Variants in FBN1 observed in about 807,000 individuals in gnomAD.
The protein encoded by FBN1 is fibrillin 1, also known as fibrillin-1.
Under a neutral mutation model 365.1 loss-of-function variants are expected in FBN1, and 29 were observed. The ratio of observed to expected loss-of-function variants is 0.08; its 90% CI spans 0.06 to 0.11. FBN1 has a LOEUF of 0.11. Among genes scored for constraint, FBN1 ranks in the 10% least tolerant of loss-of-function variants. The pLI is 1.00. For missense variants in FBN1, 2,476 were observed against 3,703.2 expected, an observed-to-expected ratio of 0.67 and a Z score of 8.60; for synonymous variants, 1,210 against 1,270.5, an observed-to-expected ratio of 0.95 and a Z score of 1.01.
chr15:48,603,917 A>G (rs935873210), intron 4 of FBN1, among the ~76,000 whole-genome samples: 1 of 152,190 alleles, frequency 6.6e-6, no homozygotes, highest in Non-Finnish European at 1.5e-5. Context: ...AGCTAACAGA[A>G]AATGTTGCCA....
chr15:48,590,947 A>T (rs1566933632), intron 6 of FBN1, among the ~76,000 whole-genome samples: 1 of 152,200 alleles, frequency 6.6e-6, no homozygotes. Context: ...CTTGGGTAGG[A>T]ATTTAACACA....
At chr15:48,634,023 G>A (rs895934572) in intron 2 of FBN1, among the ~76,000 whole-genome samples, 49 of 152,142 alleles carry the variant, frequency 3.2e-4, no homozygotes, top group African/African-American at 1.2e-3. Flanking sequence ...TCTAAAGATG[G>A]ATGGTCTGGC....
intron 6 of FBN1, among the ~76,000 whole-genome samples, chr15:48,590,001 C>T (rs545165690): frequency 1.5e-4 from 23 of 152,264 alleles, no homozygotes; most frequent in African/African-American, 5.3e-4. Context: ...AGTTTACTGC[C>T]TTTTGCTTTT....
intron 34 of FBN1, among the ~76,000 whole-genome samples, chr15:48,473,853 T>A (rs2141279211): frequency 6.6e-6 from 1 of 152,052 alleles, no homozygotes; most frequent in East Asian, 1.9e-4. Flanking sequence ...TAAAAGGAAG[T>A]ATGATTTGTT....
chr15:48,421,801 T>TTA lies in FBN1; in HGVS notation c.7571-116_7571-115insTA, dbSNP rs1487171200. Reference sequence around the variant, plus strand: ...AAAGGCCAAATAAGGCCAACAACGCTTCACATACATGTACAGGTGTGCTCA... The same window carrying TTA: ...AAAGGCCAAATAAGGCCAACAACGCTTATCACATACATGTACAGGTGTGCTCA... On this transcript the variant is annotated intron_variant, in intron 61 of 65. Coordinates refer to ENST00000316623, the MANE Select transcript of FBN1 (RefSeq NM_000138.5). 73 of 1,238,626 alleles carry TTA rather than the reference T, an allele frequency of 5.9e-5. No homozygotes were observed. The African/African-American group carries it at 9.3e-4, about 16-fold the overall frequency. 76.7% of individuals were successfully genotyped at this position (1,238,626 alleles called of 1,614,324 possible). A position where few individuals can be genotyped will look rare whatever the true frequency, so the allele number is the denominator to read the frequency against.
At chr15:48,595,732 C>T (rs2044510470) in intron 6 of FBN1, among the ~76,000 whole-genome samples, 2 of 152,266 alleles carry the variant, frequency 1.3e-5, no homozygotes, top group East Asian at 3.9e-4. Flanking sequence ...GATAATTCTA[C>T]ACACTCTAGC....
intron 6 of FBN1, among the ~76,000 whole-genome samples, chr15:48,587,717 T>C (rs2044448052): frequency 1.3e-5 from 2 of 152,186 alleles, no homozygotes; most frequent in African/African-American, 4.8e-5. Context: ...CAAAAATTAT[T>C]TTAAGGCCCT....
chr15:48,487,264 T>C (rs746765368), intron 28 of FBN1, 48 bp downstream of exon 28: 1 of 1,614,202 alleles, frequency 6.2e-7, no homozygotes, highest in Non-Finnish European at 8.5e-7. Context: ...AATGATGTCA[T>C]TCAAACAACT....
At chr15:48,642,671 A>ATGTGTGTG (rs145622377) in intron 2 of FBN1, 1 of 149,598 alleles carries the variant, frequency 6.7e-6, no homozygotes, top group African/African-American at 2.4e-5. Context: ...ACCCCCGTGT[A>ATGTGTGTG]TGTGTGTGTG....
intron 2 of FBN1, among the ~76,000 whole-genome samples, chr15:48,616,577 A>G (rs542181500): frequency 6.6e-6 from 1 of 152,368 alleles, no homozygotes; most frequent in Admixed American, 6.5e-5. Flanking sequence ...TTTCCATAAT[A>G]AAAGATTTAG....
At chr15:48,592,295 T>A (rs901904148) in intron 6 of FBN1, among the ~76,000 whole-genome samples, 26 of 152,278 alleles carry the variant, frequency 1.7e-4, no homozygotes, top group African/African-American at 6.3e-4. Flanking sequence ...TCTATCTCCA[T>A]CATTCTTTTC....
intron 36 of FBN1, 23 bp from the exon 37 acceptor site, chr15:48,468,557 GGAGTT>G: frequency 1.2e-6 from 2 of 1,613,674 alleles, no homozygotes; most frequent in Non-Finnish European, 1.7e-6. Flanking sequence ...AGTGAGTAGT[GGAGTT>G]ATCACCTGAG....
At chr15:48,457,215 C>T (rs1158108211) in intron 43 of FBN1, among the ~76,000 whole-genome samples, 1 of 152,146 alleles carries the variant, frequency 6.6e-6, no homozygotes, top group Non-Finnish European at 1.5e-5. Context: ...TTAACTCCCC[C>T]TTCCTACTTC....
chr15:48,447,430 A>C (rs2141250951), intron 46 of FBN1, among the ~76,000 whole-genome samples: 1 of 152,294 alleles, frequency 6.6e-6, no homozygotes, highest in South Asian at 2.1e-4. Flanking sequence ...TGTTCTTTTC[A>C]TACATGCTTG....
Position 48,600,133 on chromosome 15 carries a change from A to G in FBN1, c.442+6T>C. On this transcript the variant is annotated splice_donor_region_variant and intron_variant, in intron 5 of 65. Transcript: ENST00000316623. The stretch of plus-strand genomic sequence containing the variant: ...TCTAGAATACTTATAACTACAGTGT[A>G]CTTACGTTGTCCACAGTGAGTCCCT... 2 of 1,592,960 alleles carry G rather than the reference A, an allele frequency of 1.3e-6. No homozygotes were observed. The highest frequency in any genetic ancestry group is 1.7e-6 in the Non-Finnish European group (2 of 1,160,544).
chr15:48,426,539 T>C (rs2042980742), intron 58 of FBN1, among the ~76,000 whole-genome samples: 1 of 152,162 alleles, frequency 6.6e-6, no homozygotes, highest in Non-Finnish European at 1.5e-5. Flanking sequence ...ATATGCACTG[T>C]TGAGCATTAA....
intron 2 of FBN1, among the ~76,000 whole-genome samples, chr15:48,619,215 G>C (rs891952600): frequency 6.6e-6 from 1 of 152,052 alleles, no homozygotes; most frequent in Non-Finnish European, 1.5e-5. Flanking sequence ...CTTGGGACAC[G>C]GGCAATTCTG....
intron 42 of FBN1, among the ~76,000 whole-genome samples, chr15:48,462,354 T>A (rs1179481701): frequency 6.6e-6 from 1 of 150,518 alleles, no homozygotes; most frequent in Non-Finnish European, 1.5e-5. Context: ...ATTTAGCCTT[T>A]TTTTTTTAAG....
intron 6 of FBN1, among the ~76,000 whole-genome samples, chr15:48,588,888 A>C (rs1313155399): frequency 6.6e-6 from 1 of 152,224 alleles, no homozygotes; most frequent in Non-Finnish European, 1.5e-5. Context: ...ACCTATCCCC[A>C]GAAGTCTGGA....
Sources: gnomAD v4.1 joint callset for allele counts (sites outside exome capture counted in the v4.1 genomes callset) on GRCh38, gnomAD v4.1.1 for gene constraint, MANE v1.5 for transcripts, NCBI Gene and HGNC (gene_info 2026-07-23, HGNC 2026-07-21) for gene names.